Variants in SCAI observed in about 807,000 individuals in gnomAD.
SCAI encodes the protein suppressor of cancer cell invasion.
Under a neutral mutation model 92.2 loss-of-function variants are expected in SCAI, and 24 were observed. The observed-to-expected ratio is 0.26, with a 90% CI of 0.19 to 0.37. SCAI has a LOEUF of 0.37. SCAI is among the 10% of genes least tolerant of loss of function. SCAI has a pLI of 1.00. For synonymous variants in SCAI, 261 were observed against 258.6 expected (o/e 1.01, Z -0.09); for missense variants, 450 against 736.2 (o/e 0.61, Z 4.50).
At chr9:125,007,429 C>A (rs1038963083) in intron 9 of SCAI, among the ~76,000 whole-genome samples, 1 of 152,140 alleles carries the variant, frequency 6.6e-6, no homozygotes, top group African/African-American at 2.4e-5. Flanking sequence ...GTGGTTCATG[C>A]CTATAATCCC....
At chr9:124,970,212 T>A (rs767280629) in intron 17 of SCAI, among the ~76,000 whole-genome samples, 5 of 152,124 alleles carry the variant, frequency 3.3e-5, no homozygotes, top group Non-Finnish European at 7.4e-5. Flanking sequence ...ATCAGAAGAA[T>A]AAGTGATTTG....
intron 2 of SCAI, among the ~76,000 whole-genome samples, chr9:125,115,921 A>G (rs1312871636): frequency 6.6e-6 from 1 of 152,216 alleles, no homozygotes; most frequent in Non-Finnish European, 1.5e-5. Flanking sequence ...TGGGCCAGGC[A>G]CAGTGCCTCA....
At position 124,948,406 on chromosome 9, in the gene SCAI, T is replaced by G. The variant is rs1564352899; in HGVS notation, c.*4401A>C. 6.6e-6 allele frequency: 1 copy of G among 152,354 alleles called. No individual in the cohort carries two copies. The highest frequency in any genetic ancestry group is 1.9e-4 in the East Asian group (1 of 5,196). 9.4% of individuals were successfully genotyped at this position (152,354 alleles called of 1,614,324 possible). On this transcript the variant is annotated 3_prime_UTR_variant, in exon 18 of 18. Transcript: ENST00000336505. ...ATGCAAATGAAGAATACATCCTGGC[T>G]AGAATAAAAGATAAAATGTCAGATT...
At chr9:125,118,384 G>A (rs895875002) in intron 2 of SCAI, among the ~76,000 whole-genome samples, 1 of 152,072 alleles carries the variant, frequency 6.6e-6, no homozygotes, top group Non-Finnish European at 1.5e-5. Context: ...CAGGCATGGT[G>A]GCATGCACCT....
rs1554779235 is a variant in SCAI, at chr9:125,002,499, T to TTTTTTTTTTTTTTTG, written c.1066-457_1066-456insCAAAAAAAAAAAAAA. Among the ~76,000 whole-genome samples, 1,068 of 146,806 alleles carry TTTTTTTTTTTTTTTG rather than the reference T, an allele frequency of 7.3e-3. 27 individuals carry two copies. The highest frequency in any genetic ancestry group is 0.026 in the African/African-American group (1,017 of 38,418). On this transcript the variant is annotated intron_variant, in intron 11 of 17. Transcript: ENST00000336505. ...TTGTTTTTTAGTCTGTTTTTTTTTT[T>TTTTTTTTTTTTTTTG]GAAACAGAGTTTCACTCTTGTTGCC... is the stretch of plus-strand genomic sequence containing the variant.
intron 2 of SCAI, among the ~76,000 whole-genome samples, chr9:125,082,380 G>C (rs1162348855): frequency 6.6e-6 from 1 of 151,740 alleles, no homozygotes; most frequent in Non-Finnish European, 1.5e-5. Flanking sequence ...TTGCTGCAGG[G>C]GCGGGGCCCT....
chr9:125,142,857 T>C (rs1013631252), intron 1 of SCAI, among the ~76,000 whole-genome samples, 180 bp from the exon 2 acceptor site: 2 of 151,998 alleles, frequency 1.3e-5, no homozygotes, highest in African/African-American at 4.8e-5. Flanking sequence ...GACCTAGCAT[T>C]CCTGGGACTC....
rs1011901324 is a variant in SCAI at position 124,968,099 on chromosome 9, A to C, written c.1674+3271T>G. Among the ~76,000 whole-genome samples the C allele has an allele frequency of 3.3e-4, 50 of 152,226 alleles. 1 individual carries two copies. The highest frequency in any genetic ancestry group is 3.0e-3 in the Admixed American group (46 of 15,288). ...GGGAGGAAATCAGACAATTAATCCA[A>C]AAAAATCTTCTGTAGAAATTAAAAA... On this transcript the variant is annotated intron_variant, in intron 17 of 17. Coordinates refer to ENST00000336505, the MANE Select transcript of SCAI (RefSeq NM_001144877.3).
At chr9:124,962,624 GATTA>G (rs1265828209) in intron 17 of SCAI, among the ~76,000 whole-genome samples, 3 of 152,104 alleles carry the variant, frequency 2.0e-5, no homozygotes, top group South Asian at 2.1e-4. Flanking sequence ...CTCCTTACTG[GATTA>G]ATTATCTTAA....
At chr9:125,120,104 C>T (rs1835129020) in intron 2 of SCAI, among the ~76,000 whole-genome samples, 1 of 152,154 alleles carries the variant, frequency 6.6e-6, no homozygotes, top group Non-Finnish European at 1.5e-5. Flanking sequence ...GGCTTCACCA[C>T]TAGATGGGAG....
At chr9:125,077,915 C>T (rs923173892) in intron 2 of SCAI, among the ~76,000 whole-genome samples, 1 of 152,020 alleles carries the variant, frequency 6.6e-6, no homozygotes, top group South Asian at 2.1e-4. Flanking sequence ...GACAGTGTTT[C>T]ACCATGTTGG....
chr9:125,011,517 G>A (rs1173126516), intron 9 of SCAI, among the ~76,000 whole-genome samples: 1 of 152,210 alleles, frequency 6.6e-6, no homozygotes, highest in Non-Finnish European at 1.5e-5. Context: ...AAGCCTCCAA[G>A]AAATATGGGA....
chr9:125,140,822 G>GCA, intron 2 of SCAI, among the ~76,000 whole-genome samples: 1 of 150,214 alleles, frequency 6.7e-6, no homozygotes, highest in Non-Finnish European at 1.5e-5. Context: ...TTGCACCACT[G>GCA]CACTACAGCC....
chr9:125,021,821 G>A (rs985348014), intron 6 of SCAI, among the ~76,000 whole-genome samples: 2 of 152,016 alleles, frequency 1.3e-5, no homozygotes, highest in African/African-American at 4.8e-5. Flanking sequence ...TGCCCAACTG[G>A]ACTTGAACTC....
At chr9:124,954,975 G>A (rs1354522297) in intron 17 of SCAI, among the ~76,000 whole-genome samples, 2 of 152,016 alleles carry the variant, frequency 1.3e-5, no homozygotes, top group Admixed American at 6.6e-5. Flanking sequence ...AGACCAGCCT[G>A]GCCAACATGG....
At position 125,001,905 on chromosome 9, in the gene SCAI, T is replaced by C; in HGVS notation, c.1144+60A>G. The C allele has an allele frequency of 2.4e-6, 3 of 1,227,546 alleles. No homozygotes were observed. The South Asian group carries it at 3.7e-5, about 15-fold the overall frequency. 76.0% of individuals were successfully genotyped at this position (1,227,546 alleles called of 1,614,324 possible). On this transcript the variant is annotated intron_variant, in intron 12 of 17. Coordinates refer to ENST00000336505, the MANE Select transcript of SCAI (RefSeq NM_001144877.3). Reference sequence around the variant, plus strand: ...GGTCTGTGGGCTACGGGCCATCGTCTTGTAGAAAATAAAGAGAATTCAAGC... The same window carrying C: ...GGTCTGTGGGCTACGGGCCATCGTCCTGTAGAAAATAAAGAGAATTCAAGC...
chr9:125,055,281 A>C (rs1833638484), intron 3 of SCAI, among the ~76,000 whole-genome samples: 1 of 152,202 alleles, frequency 6.6e-6, no homozygotes, highest in African/African-American at 2.4e-5. Context: ...GTACTAAGCT[A>C]ATGAAGCTTT....
At chr9:125,134,682 T>TG (rs998519846) in intron 2 of SCAI, among the ~76,000 whole-genome samples, 42 of 152,282 alleles carry the variant, frequency 2.8e-4, no homozygotes, top group African/African-American at 9.9e-4. Context: ...CTAATCTTTT[T>TG]TGTGTGTGTG....
At chr9:125,078,355 C>T (rs1834138115) in intron 2 of SCAI, among the ~76,000 whole-genome samples, 1 of 152,042 alleles carries the variant, frequency 6.6e-6, no homozygotes, top group Non-Finnish European at 1.5e-5. Context: ...GATGAAACCA[C>T]ATCTCTACCA....
Sources: gnomAD v4.1 joint callset for allele counts (sites outside exome capture counted in the v4.1 genomes callset) on GRCh38, gnomAD v4.1.1 for gene constraint, MANE v1.5 for transcripts, NCBI Gene and HGNC (gene_info 2026-07-23, HGNC 2026-07-21) for gene names.